The following MYO3A variants were observed in gnomAD, a reference collection of about 807,000 sequenced individuals.
MYO3A encodes the protein myosin-IIIa.
Under a neutral mutation model 192.7 loss-of-function variants are expected in MYO3A, and 180 were observed. The ratio of observed to expected loss-of-function variants is 0.93; its 90% CI spans 0.83 to 1.06. The LOEUF (loss-of-function observed/expected upper bound fraction) is 1.06. Ranked by LOEUF, MYO3A falls within the 50% of genes least tolerant of loss-of-function variation. The probability of loss-of-function intolerance (pLI) is 0.00; values close to 1 mark genes in which losing one functional copy is unlikely to be tolerated. For synonymous variants in MYO3A, 628 were observed against 645.3 expected, an observed-to-expected ratio of 0.97 and a Z score of 0.41; for missense variants, 1,896 against 1,905.0, an observed-to-expected ratio of 1.00 and a Z score of 0.09.
intron 6 of MYO3A, among the ~76,000 whole-genome samples, chr10:26,005,260 A>G (rs1265723017): frequency 1.3e-5 from 2 of 152,158 alleles, no homozygotes; most frequent in African/African-American, 4.8e-5. Context: ...GTGAGGGAAT[A>G]TACAACAAAC....
At chr10:26,064,455 C>T (rs1834690799) in intron 10 of MYO3A, among the ~76,000 whole-genome samples, 1 of 152,208 alleles carries the variant, frequency 6.6e-6, no homozygotes, top group East Asian at 1.9e-4. Flanking sequence ...ATGCACAAAT[C>T]ATATGGGCCT....
At chr10:26,124,330 TTATTGA>T (rs1339656317) in intron 18 of MYO3A, among the ~76,000 whole-genome samples, 2 of 152,136 alleles carry the variant, frequency 1.3e-5, no homozygotes, top group Non-Finnish European at 2.9e-5. Context: ...TTTTTTAAAA[TTATTGA>T]TATATTATCA....
chr10:26,067,300 T>C (rs1475526120), intron 11 of MYO3A, among the ~76,000 whole-genome samples: 1 of 152,222 alleles, frequency 6.6e-6, no homozygotes, highest in African/African-American at 2.4e-5. Flanking sequence ...AACTCAAATT[T>C]CCAGATCTTT....
intron 4 of MYO3A, among the ~76,000 whole-genome samples, chr10:25,995,363 T>G (rs1461930799): frequency 6.6e-6 from 1 of 152,224 alleles, no homozygotes; most frequent in Admixed American, 6.5e-5. Context: ...CATCAGGTCC[T>G]TTAAGGACTT....
intron 10 of MYO3A, among the ~76,000 whole-genome samples, chr10:26,030,134 A>C (rs986744517): frequency 6.6e-6 from 1 of 151,432 alleles, no homozygotes; most frequent in African/African-American, 2.4e-5. Flanking sequence ...TTCCCACCAC[A>C]CCTCGGTCAA....
chr10:26,085,420 T>G (rs1045221822), intron 14 of MYO3A, among the ~76,000 whole-genome samples: 17 of 152,250 alleles, frequency 1.1e-4, no homozygotes, highest in African/African-American at 3.9e-4. Flanking sequence ...AGAATTGCCT[T>G]TGCTGCATTC....
At chr10:26,055,165 G>T (rs1844239972) in intron 10 of MYO3A, among the ~76,000 whole-genome samples, 2 of 152,110 alleles carry the variant, frequency 1.3e-5, no homozygotes, top group South Asian at 4.1e-4. Context: ...TCCGCTTGCA[G>T]CTTCTGGCCA....
intron 4 of MYO3A, among the ~76,000 whole-genome samples, chr10:25,987,665 C>T (rs1035512188): frequency 2.0e-5 from 3 of 151,846 alleles, no homozygotes; most frequent in African/African-American, 4.8e-5. Context: ...GAAACCACCT[C>T]ACTCCTTCAA....
chr10:26,203,820 CAG>C (rs1843786078), intron 34 of MYO3A, among the ~76,000 whole-genome samples: 1 of 152,130 alleles, frequency 6.6e-6, no homozygotes, highest in South Asian at 2.1e-4. Context: ...ACCCATTTTA[CAG>C]AGTGACATGG....
At chr10:26,107,483 A>C (rs964849875) in intron 17 of MYO3A, among the ~76,000 whole-genome samples, 1 of 142,122 alleles carries the variant, frequency 7.0e-6, no homozygotes, top group African/African-American at 2.8e-5. Context: ...CACCATCTCA[A>C]AAAAAAAAAA....
intron 26 of MYO3A, among the ~76,000 whole-genome samples, chr10:26,159,085 G>T (rs1211985192): frequency 6.6e-6 from 1 of 151,240 alleles, no homozygotes; most frequent in Non-Finnish European, 1.5e-5. Flanking sequence ...TCGGCTCCTG[G>T]GTTCACACCA....
At chr10:25,971,452 C>G (rs1838638400) in intron 4 of MYO3A, among the ~76,000 whole-genome samples, 5 of 152,000 alleles carry the variant, frequency 3.3e-5, no homozygotes, top group Admixed American at 3.3e-4. Flanking sequence ...TCTTTGTTTT[C>G]TTGTGTAGAT....
At chr10:26,194,968 G>T (rs536194301) in intron 32 of MYO3A, among the ~76,000 whole-genome samples, 1 of 152,198 alleles carries the variant, frequency 6.6e-6, no homozygotes, top group East Asian at 1.9e-4. Flanking sequence ...GATATAAATC[G>T]CATGCCATAC....
chr10:26,033,498 G>A (rs1265902783), intron 10 of MYO3A, among the ~76,000 whole-genome samples: 12 of 152,088 alleles, frequency 7.9e-5, no homozygotes, highest in Admixed American at 2.0e-4. Flanking sequence ...AGGACTAAAT[G>A]TCTTACGATC....
chr10:26,066,138 A>G (rs1834826297), intron 10 of MYO3A, among the ~76,000 whole-genome samples: 1 of 150,664 alleles, frequency 6.6e-6, no homozygotes, highest in African/African-American at 2.4e-5. Context: ...AAAAAAAAAA[A>G]AAAAAAGAGC....
At chr10:26,168,977 G>C in intron 28 of MYO3A, 103 bp downstream of exon 28, 1 of 1,162,440 alleles carries the variant, frequency 8.6e-7, no homozygotes, top group Non-Finnish European at 1.2e-6. Flanking sequence ...TTTAATTCCA[G>C]ACTGTGTTGC....
intron 4 of MYO3A, 75 bp downstream of exon 4, chr10:25,955,083 G>T: frequency 6.5e-7 from 1 of 1,548,474 alleles, no homozygotes; most frequent in African/African-American, 1.4e-5. Flanking sequence ...TACTATTTAT[G>T]TAACATTGAT....
intron 9 of MYO3A, among the ~76,000 whole-genome samples, chr10:26,024,945 G>A (rs1842473411): frequency 6.6e-6 from 1 of 152,058 alleles, no homozygotes; most frequent in East Asian, 1.9e-4. Context: ...GCAACTCTAG[G>A]GCACTGAATG....
intron 4 of MYO3A, among the ~76,000 whole-genome samples, chr10:25,974,233 G>A (rs948265221): frequency 2.0e-5 from 3 of 152,090 alleles, no homozygotes; most frequent in Non-Finnish European, 4.4e-5. Context: ...AGAAACTTAA[G>A]CAAATTTACA....
Sources: allele counts gnomAD v4.1 joint callset (sites outside exome capture counted in the v4.1 genomes callset), GRCh38; gene constraint gnomAD v4.1.1; transcripts MANE v1.5; gene names NCBI Gene and HGNC (gene_info 2026-07-23, HGNC 2026-07-21).